SH2B3: variants seen among roughly 807,000 people sequenced by gnomAD.
The protein encoded by SH2B3 is SH2B adapter protein 3.
SH2B3 carries 43 observed loss-of-function variants against 51.9 expected under a neutral mutation model. That is an observed-to-expected ratio of 0.83 (90% CI 0.65 to 1.07). SH2B3 has a LOEUF of 1.07. Ranked by LOEUF, SH2B3 falls within the 50% of genes least tolerant of loss-of-function variation. The pLI, the probability that SH2B3 is intolerant of heterozygous loss-of-function variation, is 0.00. For synonymous variants in SH2B3, 396 were observed against 376.0 expected (o/e 1.05, Z -0.62); for missense variants, 952 against 834.3 (o/e 1.14, Z -1.74).
upstream of SH2B3, among the ~76,000 whole-genome samples, chr12:111,405,563 C>T (rs922255885): frequency 4.6e-5 from 7 of 152,036 alleles, no homozygotes; most frequent in Non-Finnish European, 5.9e-5. The surrounding 1 kb of genome is among the most constrained non-coding windows in gnomAD (Gnocchi z 5.4). Context: ...GGCGCTGAGG[C>T]ACCTGGTGAC....
intron 2 of SH2B3, among the ~76,000 whole-genome samples, chr12:111,433,554 T>G (rs577909243): frequency 5.9e-5 from 9 of 151,768 alleles, no homozygotes; most frequent in Non-Finnish European, 7.4e-5. Context: ...CAGTGTGGTG[T>G]TTTTTTTGTT....
intron 2 of SH2B3, among the ~76,000 whole-genome samples, chr12:111,430,218 G>C (rs930370441): frequency 6.6e-6 from 1 of 152,212 alleles, no homozygotes; most frequent in Non-Finnish European, 1.5e-5. Context: ...GGGCTCCTGC[G>C]GCCCCAGCCA....
At chr12:111,413,855 T>C (rs1453112623) in intron 1 of SH2B3, among the ~76,000 whole-genome samples, 1 of 152,212 alleles carries the variant, frequency 6.6e-6, no homozygotes, top group African/African-American at 2.4e-5. Context: ...CAAGTGATAA[T>C]GTGTGACCAG....
At position 111,429,985 on chromosome 12, in the gene SH2B3, C is replaced by T. The variant is rs1872330978; in HGVS notation, c.732+11108C>T. On this transcript the variant is annotated intron_variant, in intron 2 of 7. Coordinates refer to ENST00000341259, the MANE Select transcript of SH2B3 (RefSeq NM_005475.3). The surrounding 1 kb of genome is among the most constrained non-coding windows in gnomAD (Gnocchi z 4.4). ...CTGGTCTTGGCAGGCAGGCAGAGCT[C>T]AGGTCCTGGCGGGCACACAGGCTTA... 6.6e-6 allele frequency among the ~76,000 whole-genome samples: 1 copy of T among 152,228 alleles called. No homozygotes were observed.
At chr12:111,439,254 A>G (rs1397538504) in intron 2 of SH2B3, among the ~76,000 whole-genome samples, 2 of 151,694 alleles carry the variant, frequency 1.3e-5, no homozygotes, top group Non-Finnish European at 2.9e-5. Flanking sequence ...GGTTCAAGCG[A>G]TTCTCCTGCC....
intron 2 of SH2B3, among the ~76,000 whole-genome samples, chr12:111,436,564 C>G (rs1331308357): frequency 6.6e-6 from 1 of 152,034 alleles, no homozygotes; most frequent in African/African-American, 2.4e-5. Context: ...GCACCCATAT[C>G]TGAGGAGGGG....
rs971391635 is a variant in SH2B3, at chr12:111,438,068, C to T, written c.733-8685C>T. ...GGCACAGGAATTGCACTAATCATGA[C>T]TCAGTGGTCAGAGAAGGCTCCCTGG... On this transcript the variant is annotated intron_variant, in intron 2 of 7. Coordinates refer to ENST00000341259, the MANE Select transcript of SH2B3 (RefSeq NM_005475.3). This position sits in a 1 kb window ranked among gnomAD's most constrained non-coding sequence, Gnocchi z 4.2. Among the ~76,000 whole-genome samples, 1 of 152,240 alleles carries T rather than the reference C, an allele frequency of 6.6e-6. No individual in the cohort carries two copies. The highest frequency in any genetic ancestry group is 2.4e-5 in the African/African-American group (1 of 41,464).
At chr12:111,436,143 T>A (rs1872855773) in intron 2 of SH2B3, among the ~76,000 whole-genome samples, 1 of 152,214 alleles carries the variant, frequency 6.6e-6, no homozygotes, top group African/African-American at 2.4e-5. Context: ...GACAGTTGTT[T>A]GTCCTTATTT....
intron 2 of SH2B3, among the ~76,000 whole-genome samples, chr12:111,421,564 G>T (rs577589786): frequency 3.9e-4 from 60 of 151,960 alleles, no homozygotes; most frequent in African/African-American, 1.3e-3. Flanking sequence ...CCACAGGCAC[G>T]TGCCACCACA....
intron 1 of SH2B3, among the ~76,000 whole-genome samples, chr12:111,408,007 A>C (rs1173757343): frequency 6.6e-6 from 1 of 152,130 alleles, no homozygotes; most frequent in Non-Finnish European, 1.5e-5. Flanking sequence ...TGGCAAAGAG[A>C]GGTTCAGTTG....
At chr12:111,422,542 C>T (rs781131859) in intron 2 of SH2B3, among the ~76,000 whole-genome samples, 3 of 150,458 alleles carry the variant, frequency 2.0e-5, no homozygotes, top group Non-Finnish European at 4.4e-5. Context: ...TATGGCCTGG[C>T]TTTTCATGAA....
rs1874162970 is a variant in SH2B3 at position 111,447,728 on chromosome 12, A to G, written c.1309A>G (p.Met437Val). ...QHLHFPSVVD[M>V]LHHFQRSPIP... ...CCTCCACTTTCCCTCGGTCGTGGAC[A>G]TGCTCCACCACTTCCAGCGCTCGCC... Residue 437 changes from methionine to valine, a missense_variant, in exon 7 of 8, where the codon ATG (methionine) becomes GTG (valine). By Grantham distance (21) the Met-to-Val change is conservative. Transcript: ENST00000341259. 3.7e-6 allele frequency: 6 copies of G among 1,613,990 alleles called. No homozygotes were observed. The highest frequency in any genetic ancestry group is 1.6e-4 in the Middle Eastern group (1 of 6,062).
At position 111,429,866 on chromosome 12, in the gene SH2B3, G is replaced by A. The variant is rs1872322151; in HGVS notation, c.732+10989G>A. Among the ~76,000 whole-genome samples, 2 of 152,172 alleles carry A rather than the reference G, an allele frequency of 1.3e-5. No individual in the cohort carries two copies. Among genetic ancestry groups the A allele is most frequent in the Admixed American group, 6.5e-5 (1 of 15,280 alleles). On this transcript the variant is annotated intron_variant, in intron 2 of 7. Coordinates refer to ENST00000341259, the MANE Select transcript of SH2B3 (RefSeq NM_005475.3). The surrounding 1 kb of genome is among the most constrained non-coding windows in gnomAD (Gnocchi z 4.4). ...GGCCGGGGGGCACCAGGGGCAGGGG[G>A]TTTGTGTTTAGGCCCCAGAACAGGC...
intron 2 of SH2B3, among the ~76,000 whole-genome samples, chr12:111,420,465 T>C (rs558294342): frequency 6.6e-6 from 1 of 151,936 alleles, no homozygotes; most frequent in South Asian, 2.1e-4. Context: ...TCTACTCACC[T>C]GCCAGGCTCC....
chr12:111,440,262 G>A (rs1335613843), intron 2 of SH2B3, among the ~76,000 whole-genome samples: 1 of 152,212 alleles, frequency 6.6e-6, no homozygotes, highest in Non-Finnish European at 1.5e-5. Flanking sequence ...GGAGGGCCAC[G>A]TGAGGCTCAC....
intron 2 of SH2B3, among the ~76,000 whole-genome samples, chr12:111,425,716 C>G (rs1470376565): frequency 6.6e-6 from 1 of 152,104 alleles, no homozygotes. Flanking sequence ...GGAGTGGGTG[C>G]AAGGGACCCT....
chr12:111,449,624 A>C lies in SH2B3; in HGVS notation c.*1322A>C, dbSNP rs2135630319. The C allele has an allele frequency of 6.6e-6, 1 of 152,462 alleles. No homozygotes were observed. Among genetic ancestry groups the C allele is most frequent in the South Asian group, 2.1e-4 (1 of 4,822 alleles). 9.4% of individuals were successfully genotyped at this position (152,462 alleles called of 1,614,324 possible). A position where few individuals can be genotyped will look rare whatever the true frequency, so the allele number is the denominator to read the frequency against. On this transcript the variant is annotated 3_prime_UTR_variant, in exon 8 of 8. Coordinates refer to ENST00000341259, the MANE Select transcript of SH2B3 (RefSeq NM_005475.3). ...CCTCCCAGAACCTGTCTGGAGGCTC[A>C]GAAACGGGGGCAGTGACAGTGGAGT...
intron 2 of SH2B3, among the ~76,000 whole-genome samples, chr12:111,424,689 G>A (rs1001610132): frequency 6.6e-5 from 10 of 152,108 alleles, no homozygotes; most frequent in Non-Finnish European, 1.0e-4. Context: ...CGGAGCATCA[G>A]GTGGAACAGT....
At chr12:111,436,804 G>A (rs1428102094) in intron 2 of SH2B3, among the ~76,000 whole-genome samples, 1 of 152,098 alleles carries the variant, frequency 6.6e-6, no homozygotes, top group Non-Finnish European at 1.5e-5. Context: ...CATGCAGGAG[G>A]ACCATGATGG....
Sources: gnomAD v4.1 joint callset for allele counts (sites outside exome capture counted in the v4.1 genomes callset) on GRCh38, gnomAD v4.1.1 for gene constraint, Gnocchi (gnomAD v3.1) non-coding constraint, MANE v1.5 for transcripts, NCBI Gene and HGNC (gene_info 2026-07-23, HGNC 2026-07-21) for gene names.